The following HHIP variants were observed in gnomAD, a reference collection of about 807,000 sequenced individuals.
HHIP encodes the protein hedgehog interacting protein, also known as hedgehog-interacting protein.
HHIP carries 12 observed loss-of-function variants against 74.0 expected under a neutral mutation model. The observed-to-expected ratio is 0.16, with a 90% CI of 0.10 to 0.26. The LOEUF (loss-of-function observed/expected upper bound fraction) is 0.26. Ranked by LOEUF, HHIP falls within the 10% of genes least tolerant of loss-of-function variation. The pLI is 1.00. For missense variants in HHIP, 788 were observed against 845.0 expected (o/e 0.93, Z 0.84); for synonymous variants, 309 against 311.6 (o/e 0.99, Z 0.09).
At chr4:144,709,981 T>G (rs1730246898) in intron 7 of HHIP, among the ~76,000 whole-genome samples, 1 of 152,184 alleles carries the variant, frequency 6.6e-6, no homozygotes, top group Non-Finnish European at 1.5e-5. Flanking sequence ...ACTCTTGGTG[T>G]TGTGAATTCT....
chr4:144,698,095 G>A (rs866926429), intron 4 of HHIP, among the ~76,000 whole-genome samples: 5 of 152,102 alleles, frequency 3.3e-5, no homozygotes, highest in Middle Eastern at 6.8e-3. Context: ...GATTTGACAC[G>A]GACCAATCGC....
At chr4:144,675,991 C>A (rs894540257) in intron 4 of HHIP, among the ~76,000 whole-genome samples, 1 of 152,114 alleles carries the variant, frequency 6.6e-6, no homozygotes, top group African/African-American at 2.4e-5. Context: ...GAAAGGAGAT[C>A]ATCAAAATTC....
chr4:144,738,120 A>T lies in HHIP; in HGVS notation c.*163A>T. On this transcript the variant is annotated 3_prime_UTR_variant, in exon 13 of 13. Transcript: ENST00000296575. ...TGTGCAGATCCTCTGTGTGTATGTC[A>T]GCATGTTTGTTCACATATGCACATA... 1 of 1,308,916 alleles carries T rather than the reference A, an allele frequency of 7.6e-7. No homozygotes were observed. 81.1% of individuals were successfully genotyped at this position (1,308,916 alleles called of 1,614,324 possible). A position where few individuals can be genotyped will look rare whatever the true frequency, so the allele number is the denominator to read the frequency against.
At chr4:144,660,736 T>C (rs944503182) in intron 4 of HHIP, among the ~76,000 whole-genome samples, 3 of 152,200 alleles carry the variant, frequency 2.0e-5, no homozygotes, top group Non-Finnish European at 4.4e-5. Context: ...GCTATCTATT[T>C]CATTTTCTTA....
At chr4:144,702,613 G>A (rs962442080) in intron 4 of HHIP, among the ~76,000 whole-genome samples, 1 of 152,044 alleles carries the variant, frequency 6.6e-6, no homozygotes, top group African/African-American at 2.4e-5. Flanking sequence ...GAAGAGCTGA[G>A]CAAAGGGGAA....
intron 4 of HHIP, among the ~76,000 whole-genome samples, chr4:144,699,880 C>A (rs1729929772): frequency 1.3e-5 from 2 of 152,096 alleles, no homozygotes; most frequent in South Asian, 4.1e-4. Flanking sequence ...AAAAGCGATG[C>A]TTCTTATCTT....
Position 144,744,915 on chromosome 4 carries a change from T to C in HHIP, c.*6958T>C, listed in dbSNP as rs1035982162. The C allele has an allele frequency of 1.3e-5, 2 of 152,360 alleles. No individual in the cohort carries two copies. Among genetic ancestry groups the C allele is most frequent in the East Asian group, 3.9e-4 (2 of 5,192 alleles). 9.4% of individuals were successfully genotyped at this position (152,360 alleles called of 1,614,324 possible). ...ATGGCCTAAAGTACATCTGTGTGTA[T>C]CTGTACGTGTGCACACACCCATGTA... On this transcript the variant is annotated 3_prime_UTR_variant, in exon 13 of 13. Transcript: ENST00000296575.
intron 12 of HHIP, among the ~76,000 whole-genome samples, chr4:144,737,360 C>A (rs528006056): frequency 1.3e-5 from 2 of 152,308 alleles, no homozygotes; most frequent in African/African-American, 4.8e-5. Flanking sequence ...TGTGTCTCCC[C>A]CTCAGGCTGG....
At chr4:144,669,392 C>G (rs1728969589) in intron 4 of HHIP, among the ~76,000 whole-genome samples, 1 of 152,170 alleles carries the variant, frequency 6.6e-6, no homozygotes, top group Admixed American at 6.5e-5. Context: ...CAGTGGCACT[C>G]AGGAATTATC....
At chr4:144,662,707 G>A (rs564964592) in intron 4 of HHIP, among the ~76,000 whole-genome samples, 1 of 152,094 alleles carries the variant, frequency 6.6e-6, no homozygotes, top group East Asian at 1.9e-4. Flanking sequence ...GGCTGTGTGT[G>A]TGCATGTGCA....
Position 144,715,437 on chromosome 4 carries a change from T to C in HHIP, c.1678+7T>C, listed in dbSNP as rs1187347961. The C allele has an allele frequency of 6.2e-7, 1 of 1,611,958 alleles. No individual in the cohort carries two copies. The highest frequency in any genetic ancestry group is 2.2e-5 in the East Asian group (1 of 44,810). ...TTTGGAGAAGATGAACTAGGTACTG[T>C]ACAATCTAGTTCTGTTAAGTTTCAT... On this transcript the variant is annotated splice_region_variant and intron_variant, in intron 10 of 12. Transcript: ENST00000296575.
chr4:144,665,309 T>C lies in HHIP; in HGVS notation c.831+5471T>C, dbSNP rs981931051. Among the ~76,000 whole-genome samples, 7 of 152,320 alleles carry C rather than the reference T, an allele frequency of 4.6e-5. No individual in the cohort carries two copies. In the Middle Eastern group the frequency reaches 0.017, roughly 370 times the overall value. On this transcript the variant is annotated intron_variant, in intron 4 of 12. Transcript: ENST00000296575. ...TTCTCAAACTCCTGGACTCAAGCAATGCACCTGCCTCAGCCTCCCAAAGTG... is the reference window on the plus strand; with the variant it reads ...TTCTCAAACTCCTGGACTCAAGCAACGCACCTGCCTCAGCCTCCCAAAGTG...
chr4:144,659,113 T>C (rs958299511), intron 3 of HHIP, among the ~76,000 whole-genome samples, 167 bp downstream of exon 3: 1 of 152,242 alleles, frequency 6.6e-6, no homozygotes, highest in African/African-American at 2.4e-5. Flanking sequence ...CTAGCTTAAA[T>C]GCTTTTAATA....
At chr4:144,681,195 T>C (rs966213043) in intron 4 of HHIP, among the ~76,000 whole-genome samples, 2 of 152,182 alleles carry the variant, frequency 1.3e-5, no homozygotes, top group African/African-American at 4.8e-5. Context: ...TAGATAAGTA[T>C]TAGAATTCAG....
chr4:144,704,772 C>G (rs1399220034), intron 4 of HHIP, among the ~76,000 whole-genome samples: 1 of 152,184 alleles, frequency 6.6e-6, no homozygotes, highest in Non-Finnish European at 1.5e-5. Flanking sequence ...CGAAATCCCA[C>G]CCTCGGGCCT....
Position 144,652,643 on chromosome 4 carries a change from A to G in HHIP, c.318A>G (p.Leu106=). The G allele has an allele frequency of 6.2e-7, 1 of 1,610,894 alleles. No individual in the cohort carries two copies. Among genetic ancestry groups the G allele is most frequent in the Non-Finnish European group, 8.5e-7 (1 of 1,178,282 alleles). The change falls in exon 2 of 13, where the codon TTA becomes TTG. Residue 106 remains leucine (L), a synonymous_variant. Transcript: ENST00000296575. Reference sequence around the variant, plus strand: ...CCAACAACACAGAATGTGGGAAGTTACTGGAGGAAATCAAATGTGCACTTT... The same window carrying G: ...CCAACAACACAGAATGTGGGAAGTTGCTGGAGGAAATCAAATGTGCACTTT... ...SVTNNTECGK[L]LEEIKCALCS... is the part of the protein sequence containing the mutation.
rs756690987 is a variant in HHIP at position 144,737,665 on chromosome 4, C to T, written c.1910-99C>T. ...TAACTATCTCCCTCCTTTTTTCCCTCGCTTCCCTTATTCAGCAAATATTTG... is the reference window on the plus strand; with the variant it reads ...TAACTATCTCCCTCCTTTTTTCCCTTGCTTCCCTTATTCAGCAAATATTTG... On this transcript the variant is annotated intron_variant, in intron 12 of 12. Transcript: ENST00000296575. 268 of 1,058,044 alleles carry T rather than the reference C, an allele frequency of 2.5e-4. No homozygotes were observed. The highest frequency in any genetic ancestry group is 3.1e-4 in the Non-Finnish European group (238 of 767,488). 65.5% of individuals were successfully genotyped at this position (1,058,044 alleles called of 1,614,324 possible).
intron 4 of HHIP, among the ~76,000 whole-genome samples, chr4:144,661,546 A>G (rs902199997): frequency 1.3e-5 from 2 of 152,196 alleles, no homozygotes; most frequent in Non-Finnish European, 2.9e-5. Flanking sequence ...AGTGAGTAAT[A>G]AGATCACATC....
intron 11 of HHIP, among the ~76,000 whole-genome samples, chr4:144,724,968 T>G (rs1317737374): frequency 6.6e-6 from 1 of 150,766 alleles, no homozygotes; most frequent in African/African-American, 2.5e-5. Flanking sequence ...AAAGTGAGAC[T>G]TATATATTGA....
Sources: gnomAD v4.1 joint callset for allele counts (sites outside exome capture counted in the v4.1 genomes callset) on GRCh38, gnomAD v4.1.1 for gene constraint, MANE v1.5 for transcripts, NCBI Gene and HGNC (gene_info 2026-07-23, HGNC 2026-07-21) for gene names.